The following ZMIZ1 variants were observed in gnomAD, a reference collection of about 807,000 sequenced individuals.
ZMIZ1 encodes the protein zinc finger MIZ domain-containing protein 1.
In ZMIZ1, 17 loss-of-function variants were observed where a neutral mutation model predicts 113.9. The observed-to-expected ratio is 0.15, with a 90% CI of 0.10 to 0.22. The LOEUF is 0.22. Ranked by LOEUF, ZMIZ1 falls within the 10% of genes least tolerant of loss-of-function variation. The probability of loss-of-function intolerance (pLI) is 1.00; values close to 1 mark genes in which losing one functional copy is unlikely to be tolerated. For synonymous variants in ZMIZ1, 607 were observed against 603.1 expected, an observed-to-expected ratio of 1.01 and a Z score of -0.09; for missense variants, 1,059 against 1,477.8, an observed-to-expected ratio of 0.72 and a Z score of 4.65.
At chr10:79,235,623 T>C (rs1333748465) in intron 7 of ZMIZ1, among the ~76,000 whole-genome samples, 1 of 152,088 alleles carries the variant, frequency 6.6e-6, no homozygotes. Context: ...CACCCACCCA[T>C]CTTCAGGATG....
chr10:79,153,522 C>T (rs546297465), intron 3 of ZMIZ1, among the ~76,000 whole-genome samples: 2 of 152,390 alleles, frequency 1.3e-5, no homozygotes, highest in South Asian at 4.1e-4. Flanking sequence ...CTGTCATCCC[C>T]TTTCTTCCCT....
At chr10:79,261,153 G>A (rs1036106517) in intron 7 of ZMIZ1, among the ~76,000 whole-genome samples, 39 of 152,154 alleles carry the variant, frequency 2.6e-4, no homozygotes, top group African/African-American at 9.4e-4. Context: ...CAGGCTGAGC[G>A]TCATGAAAGA....
intron 7 of ZMIZ1, among the ~76,000 whole-genome samples, chr10:79,256,016 C>T (rs1850876581): frequency 6.6e-6 from 1 of 152,206 alleles, no homozygotes; most frequent in South Asian, 2.1e-4. Context: ...TGCGGGTGTC[C>T]TGGTGGCAGA....
chr10:79,265,419 G>C (rs887661535), intron 7 of ZMIZ1, among the ~76,000 whole-genome samples: 1 of 151,892 alleles, frequency 6.6e-6, no homozygotes, highest in East Asian at 1.9e-4. Flanking sequence ...GAGACGGACA[G>C]GGTCACTCGC....
chr10:79,223,221 A>T (rs1330438514), intron 7 of ZMIZ1, among the ~76,000 whole-genome samples: 2 of 152,238 alleles, frequency 1.3e-5, no homozygotes, highest in Non-Finnish European at 2.9e-5. Context: ...TCTGCGTGAA[A>T]AACAGCTCGC....
chr10:79,136,901 C>T (rs1299114988), intron 2 of ZMIZ1, among the ~76,000 whole-genome samples: 1 of 151,936 alleles, frequency 6.6e-6, no homozygotes, highest in Non-Finnish European at 1.5e-5. Context: ...TTGCTGGGAG[C>T]TATAGAGTGT....
chr10:79,288,463 G>A (rs984519254), intron 8 of ZMIZ1, among the ~76,000 whole-genome samples: 1 of 152,188 alleles, frequency 6.6e-6, no homozygotes. Context: ...CCAGACAGAG[G>A]CATGAGGCTC....
chr10:79,104,219 C>A (rs1843471613), intron 1 of ZMIZ1, among the ~76,000 whole-genome samples: 1 of 152,206 alleles, frequency 6.6e-6, no homozygotes, highest in Non-Finnish European at 1.5e-5. Flanking sequence ...TGAAACACAG[C>A]CTTTCGATGA....
intron 3 of ZMIZ1, among the ~76,000 whole-genome samples, chr10:79,158,467 T>C (rs1845986950): frequency 1.3e-5 from 2 of 152,188 alleles, no homozygotes; most frequent in African/African-American, 4.8e-5. Context: ...AACCCAATTC[T>C]ACCCACTCTT....
At chr10:79,306,709 C>T (rs1194836197) in intron 22 of ZMIZ1, among the ~76,000 whole-genome samples, 1 of 152,212 alleles carries the variant, frequency 6.6e-6, no homozygotes, top group Admixed American at 6.5e-5. Flanking sequence ...CTTTGGCCAC[C>T]AAGGTCACCC....
rs571790089 is a variant in ZMIZ1 at position 79,269,685 on chromosome 10, C to T, written c.281-7496C>T. 2.6e-5 allele frequency among the ~76,000 whole-genome samples: 4 copies of T among 152,298 alleles called. No homozygotes were observed. The South Asian group carries it at 6.2e-4, about 24-fold the overall frequency. On this transcript the variant is annotated intron_variant, in intron 7 of 24. Transcript: ENST00000334512. ...AGCCTCCCCCTGCACCCCACTGCTG[C>T]TGTCATCCATTCCTGACCGCCAGAT... is the stretch of plus-strand genomic sequence containing the variant.
chr10:79,258,009 T>A (rs1329349057), intron 7 of ZMIZ1, among the ~76,000 whole-genome samples: 2 of 152,146 alleles, frequency 1.3e-5, no homozygotes, highest in African/African-American at 4.8e-5. Context: ...CCCAAGAAGG[T>A]AGTCAGAAAC....
intron 7 of ZMIZ1, among the ~76,000 whole-genome samples, chr10:79,241,132 T>C (rs1749851): frequency 0.52 from 79,075 of 151,974 alleles, 20,869 homozygotes; most frequent in South Asian, 0.59. Flanking sequence ...GGTCCAAGTG[T>C]TGACATTGTT....
chr10:79,133,506 G>A (rs1341779473), intron 2 of ZMIZ1, among the ~76,000 whole-genome samples: 1 of 152,200 alleles, frequency 6.6e-6, no homozygotes, highest in African/African-American at 2.4e-5. Flanking sequence ...AGGGACCAGG[G>A]AAGAGAAAGA....
chr10:79,303,674 C>G (rs1854488303), intron 18 of ZMIZ1, among the ~76,000 whole-genome samples: 1 of 152,124 alleles, frequency 6.6e-6, no homozygotes, highest in Admixed American at 6.5e-5. Context: ...TTTCACTGAC[C>G]CAGTAAATCA....
chr10:79,121,735 T>A (rs150253035), intron 2 of ZMIZ1, among the ~76,000 whole-genome samples: 40 of 152,236 alleles, frequency 2.6e-4, no homozygotes, highest in African/African-American at 8.4e-4. Flanking sequence ...GGGTGGTAGG[T>A]ACCACTATGG....
chr10:79,259,239 G>C (rs572559929), intron 7 of ZMIZ1, among the ~76,000 whole-genome samples: 9 of 152,226 alleles, frequency 5.9e-5, no homozygotes, highest in East Asian at 1.9e-4. Flanking sequence ...GGGCAGGGAA[G>C]GGGGGGCTGG....
chr10:79,139,038 A>G (rs1447871666), intron 2 of ZMIZ1, among the ~76,000 whole-genome samples: 1 of 152,126 alleles, frequency 6.6e-6, no homozygotes, highest in Non-Finnish European at 1.5e-5. Flanking sequence ...TTCTGCTTTA[A>G]ACTCTGCATC....
chr10:79,152,522 A>G (rs557616674), intron 3 of ZMIZ1, among the ~76,000 whole-genome samples: 20 of 152,354 alleles, frequency 1.3e-4, no homozygotes, highest in Middle Eastern at 6.8e-3. Context: ...GAAAGAAAAA[A>G]GATAACCCAC....
Sources: gnomAD v4.1 joint callset for allele counts (sites outside exome capture counted in the v4.1 genomes callset) on GRCh38, gnomAD v4.1.1 for gene constraint, MANE v1.5 for transcripts, NCBI Gene and HGNC (gene_info 2026-07-23, HGNC 2026-07-21) for gene names.